Variants in FLRT1 observed in about 807,000 individuals in gnomAD.
FLRT1 encodes the protein leucine-rich repeat transmembrane protein FLRT1.
In FLRT1, 14 loss-of-function variants were observed where a neutral mutation model predicts 30.9. That is an observed-to-expected ratio of 0.45 (90% CI 0.30 to 0.71). The LOEUF is 0.71. Among genes scored for constraint, FLRT1 ranks in the 30% least tolerant of loss-of-function variants. The pLI is 0.08. For synonymous variants in FLRT1, 368 were observed against 430.4 expected (o/e 0.85, Z 1.80); for missense variants, 737 against 949.2 (o/e 0.78, Z 2.94).
At position 64,064,931 on chromosome 11, in the gene FLRT1, A is replaced by G. The variant is rs934521865; in HGVS notation, c.-1038+28772A>G. The stretch of plus-strand genomic sequence containing the variant: ...CGTGCCAGGCAAGGCGGCAGGCAGG[A>G]GGGCCACCATGGTGACTGAGACAGA... On this transcript the variant is annotated intron_variant, in intron 1 of 2. Transcript: ENST00000682287. This position sits in a 1 kb window ranked among gnomAD's most constrained non-coding sequence, Gnocchi z 4.5. Among the ~76,000 whole-genome samples the G allele has an allele frequency of 2.6e-5, 4 of 151,316 alleles. No homozygotes were observed. Among genetic ancestry groups the G allele is most frequent in the Admixed American group, 6.6e-5 (1 of 15,186 alleles).
In FLRT1 at chr11:64,115,381, C is replaced by CTT. The variant is rs111536886; in HGVS notation, c.-49-826_-49-825dup. On this transcript the variant is annotated intron_variant, in intron 2 of 2. Transcript: ENST00000682287. ...CCTTTAAGTGCAAGAAAACAGACCA[C>CTT]TTTTTTTTTTTTTGAATAGCTGAAA... Among the ~76,000 whole-genome samples the CTT allele has an allele frequency of 6.8e-5, 10 of 146,006 alleles. No individual in the cohort carries two copies. The East Asian group carries it at 1.6e-3, about 23-fold the overall frequency.
intron 2 of FLRT1, among the ~76,000 whole-genome samples, chr11:64,112,092 C>G (rs1944872901): frequency 6.6e-6 from 1 of 152,240 alleles, no homozygotes; most frequent in Non-Finnish European, 1.5e-5. Flanking sequence ...CTCTCATCTA[C>G]AGAACGAGTC....
intron 1 of FLRT1, among the ~76,000 whole-genome samples, chr11:64,072,370 C>T (rs1034511920): frequency 2.6e-5 from 4 of 151,878 alleles, no homozygotes; most frequent in Non-Finnish European, 5.9e-5. Flanking sequence ...TGGAAGCCAG[C>T]AATGCAGGAA....
chr11:64,097,429 G>A (rs1222074130), intron 1 of FLRT1, among the ~76,000 whole-genome samples: 2 of 152,368 alleles, frequency 1.3e-5, no homozygotes, highest in African/African-American at 4.8e-5. Flanking sequence ...CGTCCTGGGC[G>A]AGTGGGCCCC....
At chr11:64,111,547 G>A (rs1356012440) in intron 2 of FLRT1, among the ~76,000 whole-genome samples, 3 of 152,208 alleles carry the variant, frequency 2.0e-5, no homozygotes, top group Non-Finnish European at 2.9e-5. Flanking sequence ...TGGGCTGGCT[G>A]TGACCTTGGC....
intron 1 of FLRT1, among the ~76,000 whole-genome samples, chr11:64,058,574 T>C (rs1321811803): frequency 6.6e-6 from 1 of 151,460 alleles, no homozygotes; most frequent in Non-Finnish European, 1.5e-5. Flanking sequence ...GAAGAGGGGG[T>C]GGTGGAGGAG....
chr11:64,116,645 C>A lies in FLRT1; in HGVS notation c.378C>A (p.Pro126=), dbSNP rs765907904. Residue 126 remains proline, a synonymous_variant, in exon 3 of 3, where the codon CCC becomes CCA. Coordinates refer to ENST00000682287, the MANE Select transcript of FLRT1 (RefSeq NM_013280.5). ...TGGATGAGTTCCCCATCAACCTGCC[C>A]CGCTCCCTCCGGGAGCTGCACCTGC... ...NDLDEFPINL[P]RSLRELHLQD... is the part of the protein sequence containing the mutation. 15 of 1,614,144 alleles carry A rather than the reference C, an allele frequency of 9.3e-6. No homozygotes were observed. In the Admixed American group the frequency reaches 2.5e-4, roughly 27 times the overall value.
intron 1 of FLRT1, among the ~76,000 whole-genome samples, chr11:64,097,063 C>T (rs1944589553): frequency 6.6e-6 from 1 of 152,264 alleles, no homozygotes; most frequent in Admixed American, 6.5e-5. Context: ...GCTCCTGTCT[C>T]CCTGCTGCCC....
chr11:64,114,961 T>C (rs1944950498), intron 2 of FLRT1, among the ~76,000 whole-genome samples: 1 of 152,170 alleles, frequency 6.6e-6, no homozygotes, highest in African/African-American at 2.4e-5. Flanking sequence ...GACAGAAAGT[T>C]TGGCCTGGTT....
intron 1 of FLRT1, among the ~76,000 whole-genome samples, chr11:64,048,062 CCAGCCTGGCTCTCAGGCCTG>C (rs1000429424): frequency 6.6e-6 from 1 of 152,188 alleles, no homozygotes; most frequent in Non-Finnish European, 1.5e-5. Context: ...CGCCTGAGGC[CCAGCCTGGCTCTCAGGCCTG>C]CAGCCTGCCC....
intron 2 of FLRT1, among the ~76,000 whole-genome samples, chr11:64,113,097 G>A (rs540549170): frequency 6.6e-6 from 1 of 152,200 alleles, no homozygotes; most frequent in Non-Finnish European, 1.5e-5. Flanking sequence ...CTCCCTAGAT[G>A]GCCTGGGTTC....
chr11:64,079,733 C>T (rs575200509), intron 1 of FLRT1, among the ~76,000 whole-genome samples: 5 of 151,988 alleles, frequency 3.3e-5, no homozygotes, highest in South Asian at 4.2e-4. Context: ...GAGAGTGGGG[C>T]GCACGCTCAG....
intron 2 of FLRT1, among the ~76,000 whole-genome samples, chr11:64,112,010 C>T (rs1011033850): frequency 6.6e-5 from 10 of 152,200 alleles, no homozygotes; most frequent in African/African-American, 2.4e-4. Flanking sequence ...TGCAGCCACG[C>T]AGCCCTGGGG....
At chr11:64,079,907 G>A (rs1944273991) in intron 1 of FLRT1, among the ~76,000 whole-genome samples, 1 of 152,160 alleles carries the variant, frequency 6.6e-6, no homozygotes, top group South Asian at 2.1e-4. Context: ...TCGTAAATGA[G>A]GGAGGCAGGG....
At chr11:64,093,319 C>T (rs1301255354) in intron 1 of FLRT1, among the ~76,000 whole-genome samples, 6 of 152,234 alleles carry the variant, frequency 3.9e-5, no homozygotes, top group Non-Finnish European at 8.8e-5. Flanking sequence ...GGTGTTGTCA[C>T]TGCTGCGGAC....
chr11:64,051,405 ACACT>A (rs886394481), intron 1 of FLRT1, among the ~76,000 whole-genome samples: 27 of 152,226 alleles, frequency 1.8e-4, no homozygotes, highest in African/African-American at 6.5e-4. Context: ...GCTTGGCCTG[ACACT>A]CAGTGGTGAC....
At position 64,116,434 on chromosome 11, in the gene FLRT1, C is replaced by T. The variant is rs142372756; in HGVS notation, c.167C>T (p.Ser56Leu). 1,049 of 1,614,034 alleles carry T rather than the reference C, an allele frequency of 6.5e-4. 7 individuals carry two copies. The highest frequency in any genetic ancestry group is 1.1e-4 in the Non-Finnish European group (125 of 1,180,028). The change falls in exon 3 of 3, where the codon TCG becomes TTG. Residue 56 changes from serine (S) to leucine (L), a missense_variant. Coordinates refer to ENST00000682287, the MANE Select transcript of FLRT1 (RefSeq NM_013280.5). ...GTCATCGACAGCACCACCTGCCCCT[C>T]GGTGTGCCGCTGCGACAACGGCTTC... ...TEVIDSTTCP[S>L]VCRCDNGFIY...
At chr11:64,055,124 G>C (rs907595855) in intron 1 of FLRT1, among the ~76,000 whole-genome samples, 2 of 152,160 alleles carry the variant, frequency 1.3e-5, no homozygotes, top group Admixed American at 6.5e-5. Flanking sequence ...TGTGTCCTGA[G>C]AGCAGCCCTG....
At position 64,117,882 on chromosome 11, in the gene FLRT1, C is replaced by T; in HGVS notation, c.1615C>T (p.Leu539Phe). Residue 539 changes from leucine to phenylalanine, a missense_variant, in exon 3 of 3, where the codon CTC becomes TTC. Physicochemically the swap from Leu to Phe is conservative, Grantham distance 22. Transcript: ENST00000682287. The part of the protein sequence containing the change: ...TADSYGPTTT[L>F]NQEQNAGPMA... Reference sequence around the variant, plus strand: ...CGACAGCTATGGCCCTACCACCACACTCAACCAGGAGCAGAACGCTGGCCC... The same window carrying T: ...CGACAGCTATGGCCCTACCACCACATTCAACCAGGAGCAGAACGCTGGCCC... The T allele has an allele frequency of 2.5e-6, 4 of 1,614,056 alleles. No homozygotes were observed. Among genetic ancestry groups the T allele is most frequent in the Non-Finnish European group, 1.7e-6 (2 of 1,179,996 alleles).
Sources: allele counts gnomAD v4.1 joint callset (sites outside exome capture counted in the v4.1 genomes callset), GRCh38; gene constraint gnomAD v4.1.1; non-coding constraint Gnocchi (gnomAD v3.1); transcripts MANE v1.5; gene names NCBI Gene and HGNC (gene_info 2026-07-23, HGNC 2026-07-21).